WFIKKN1: variants seen among roughly 807,000 people sequenced by gnomAD.
WFIKKN1 encodes the protein WAP, follistatin/kazal, immunoglobulin, kunitz and netrin domain containing 1.
WFIKKN1 carries 6 observed loss-of-function variants against 4.6 expected under a neutral mutation model. The observed-to-expected ratio is 1.31, with a 90% confidence interval of 0.72 to 2.59. The LOEUF (loss-of-function observed/expected upper bound fraction) is 2.59, where lower values mean the gene tolerates loss of function less well. Among genes scored for constraint, WFIKKN1 ranks in the 30% most tolerant of loss-of-function variants. WFIKKN1 has a pLI of 0.00. For missense variants in WFIKKN1, 964 were observed against 818.0 expected, an observed-to-expected ratio of 1.18 and a Z score of -2.18; for synonymous variants, 468 against 367.4, an observed-to-expected ratio of 1.27 and a Z score of -3.13.
intron 1 of WFIKKN1, chr16:632,177 T>C (rs2036959182): frequency 5.8e-6 from 1 of 173,828 alleles, no homozygotes; most frequent in Non-Finnish European, 1.2e-5. Context: ...ACCCTCTCCT[T>C]CCATCCACTG....
chr16:632,836 CGCCGAGGCCTGCCT>C lies in WFIKKN1; in HGVS notation c.429_442del (p.Glu144GlyfsTer86). Reference sequence around the variant, plus strand: ...CCTACTACAACCGCTGCTATATGGACGCCGAGGCCTGCCTGCGGGGCCTGCACCTCCACATCGTG... The same window carrying C: ...CCTACTACAACCGCTGCTATATGGACGCGGGGCCTGCACCTCCACATCGTG... On this transcript the variant is annotated frameshift_variant, in exon 2 of 2. Coordinates refer to ENST00000319070, the MANE Select transcript of WFIKKN1 (RefSeq NM_053284.3). LOFTEE classifies it low-confidence loss of function (END_TRUNC). The C allele has an allele frequency of 6.4e-7, 1 of 1,570,674 alleles. No homozygotes were observed. Among genetic ancestry groups the C allele is most frequent in the Non-Finnish European group, 8.6e-7 (1 of 1,156,070 alleles).
Position 633,165 on chromosome 16 carries a change from A to G in WFIKKN1, c.755A>G (p.Asn252Ser). 6.3e-7 allele frequency: 1 copy of G among 1,599,658 alleles called. No homozygotes were observed. Among genetic ancestry groups the G allele is most frequent in the African/African-American group, 1.3e-5 (1 of 74,372 alleles). The part of the protein sequence containing the change: ...VTSIGQLVLY[N>S]ARPEDAGLYT... ...AGCATCGGGCAGCTGGTGCTCTACA[A>G]CGCGCGGCCCGAAGACGCCGGCCTG... Residue 252 changes from asparagine (N) to serine (S), a missense_variant, in exon 2 of 2, where the codon AAC becomes AGC. By Grantham distance (46) the Asn-to-Ser change is conservative. Coordinates refer to ENST00000319070, the MANE Select transcript of WFIKKN1 (RefSeq NM_053284.3).
At chr16:631,505 T>C (rs2036948261) in intron 1 of WFIKKN1, 81 bp downstream of exon 1, 1 of 1,528,236 alleles carries the variant, frequency 6.5e-7, no homozygotes, top group South Asian at 1.2e-5. Context: ...ACCTTCTGCC[T>C]GGGCTCCCCA....
At chr16:632,462 A>G in intron 1 of WFIKKN1, 120 bp from the exon 2 acceptor site, 3 of 1,245,716 alleles carry the variant, frequency 2.4e-6, no homozygotes, top group Middle Eastern at 2.8e-4. Flanking sequence ...GTCCCCGGGG[A>G]GGCAGCCACA....
In WFIKKN1 at chr16:632,905, C is replaced by G. The variant is rs1164526787; in HGVS notation, c.495C>G (p.Pro165=). 1 of 1,566,592 alleles carries G rather than the reference C, an allele frequency of 6.4e-7. No homozygotes were observed. The highest frequency in any genetic ancestry group is 1.2e-5 in the South Asian group (1 of 83,840). ...VPCKHVLSWP[P]SSPGPPETTA... ...GCAAGCACGTGCTCAGCTGGCCGCC[C>G]AGCAGCCCGGGGCCGCCGGAGACCA... The change falls in exon 2 of 2, where the codon CCC becomes CCG. Residue 165 remains proline, a synonymous_variant. Transcript: ENST00000319070.
rs780540369 is a variant in WFIKKN1, at chr16:633,999, A to T, written c.1589A>T (p.Lys530Met). The change falls in exon 2 of 2, where the codon AAG becomes ATG. Residue 530 changes from lysine (K) to methionine (M), a missense_variant. Physicochemically the swap from Lys to Met is moderately conservative, Grantham distance 95 (BLOSUM62 -1). Transcript: ENST00000319070. ...GCCGCCAGCGAGAAGCGCGTCAAGA[A>T]GATCTTGGAGCTGCTGGAGAAGCAG... The part of the protein sequence containing the change: ...VRAASEKRVK[K>M]ILELLEKQAC... The T allele has an allele frequency of 1.0e-5, 16 of 1,603,560 alleles. 1 individual carries two copies. The highest frequency in any genetic ancestry group is 3.4e-5 in the Admixed American group (2 of 59,362).
At chr16:632,236 T>G in intron 1 of WFIKKN1, 1 of 232,026 alleles carries the variant, frequency 4.3e-6, no homozygotes, top group Non-Finnish European at 8.4e-6. Context: ...GTGCAGATGG[T>G]GGTGGGGGTG....
At position 633,519 on chromosome 16, in the gene WFIKKN1, G is replaced by A; in HGVS notation, c.1109G>A (p.Gly370Asp). The change falls in exon 2 of 2, where the codon GGC (glycine) becomes GAC (aspartate). Residue 370 changes from glycine to aspartate, a missense_variant. By Grantham distance (94) the Gly-to-Asp change is moderately conservative. Coordinates refer to ENST00000319070, the MANE Select transcript of WFIKKN1 (RefSeq NM_053284.3). ...CCTGCCGTGCAGGGCCCCTGCCGGG[G>A]CTGGGAGCCGCGCTGGGCCTACAGC... ...VLPAVQGPCR[G>D]WEPRWAYSPL... The A allele has an allele frequency of 6.6e-7, 1 of 1,506,502 alleles. No individual in the cohort carries two copies. The highest frequency in any genetic ancestry group is 2.3e-5 in the Admixed American group (1 of 44,064). 93.3% of individuals were successfully genotyped at this position (1,506,502 alleles called of 1,614,324 possible).
In WFIKKN1 at chr16:633,686, C is replaced by G. The variant is rs1405880421; in HGVS notation, c.1276C>G (p.Leu426Val). The part of the protein sequence containing the change: ...PCRACRLRSK[L>V]ALSLCRSDFA... ...CCGCGCCTGCCGCCTCCGGAGCAAG[C>G]TGGCGCTGAGCCTGTGCCGCAGCGA... is the stretch of plus-strand genomic sequence containing the variant. Residue 426 changes from leucine (L) to valine (V), a missense_variant, in exon 2 of 2, where the codon CTG (leucine) becomes GTG (valine). Coordinates refer to ENST00000319070, the MANE Select transcript of WFIKKN1 (RefSeq NM_053284.3). The G allele has an allele frequency of 1.9e-6, 3 of 1,582,786 alleles. No individual in the cohort carries two copies. Among genetic ancestry groups the G allele is most frequent in the Non-Finnish European group, 2.6e-6 (3 of 1,165,266 alleles).
At position 633,877 on chromosome 16, in the gene WFIKKN1, C is replaced by T. The variant is rs1197099924; in HGVS notation, c.1467C>T (p.Cys489=). ...CGCTGAGTGGCATGGACTGGGCCTGCCCCTGCCCCAACATGACGGCGGGCG... is the reference window on the plus strand; with the variant it reads ...CGCTGAGTGGCATGGACTGGGCCTGTCCCTGCCCCAACATGACGGCGGGCG... ...EVTLSGMDWA[C]PCPNMTAGDG... Residue 489 remains cysteine (C), a synonymous_variant, in exon 2 of 2, where the codon TGC becomes TGT. Coordinates refer to ENST00000319070, the MANE Select transcript of WFIKKN1 (RefSeq NM_053284.3). 1 of 1,594,838 alleles carries T rather than the reference C, an allele frequency of 6.3e-7. No individual in the cohort carries two copies. The highest frequency in any genetic ancestry group is 1.7e-4 in the Middle Eastern group (1 of 6,044).
At position 633,620 on chromosome 16, in the gene WFIKKN1, A is replaced by C. The variant is rs2036984470; in HGVS notation, c.1210A>C (p.Ser404Arg). The change falls in exon 2 of 2, where the codon AGC becomes CGC. Residue 404 changes from serine to arginine, a missense_variant. Transcript: ENST00000319070. ...CGGCAACAACTTCCACAGCCGCGAGAGCTGCGAGGATGCCTGCCCCGTGCC... is the reference window on the plus strand; with the variant it reads ...CGGCAACAACTTCCACAGCCGCGAGCGCTGCGAGGATGCCTGCCCCGTGCC... ...GNGNNFHSRESCEDACPVPRT... is the reference protein window; with the variant it reads ...GNGNNFHSRERCEDACPVPRT... 6.4e-7 allele frequency: 1 copy of C among 1,572,708 alleles called. No individual in the cohort carries two copies. Among genetic ancestry groups the C allele is most frequent in the South Asian group, 1.2e-5 (1 of 86,740 alleles).
chr16:631,988 T>TCCATCCTCTCCTC, intron 1 of WFIKKN1: 1 of 126,418 alleles, frequency 7.9e-6, no homozygotes, highest in Non-Finnish European at 1.7e-5. Context: ...TGCCTCTCCT[T>TCCATCCTCTCCTC]CCATCCTCTC....
intron 1 of WFIKKN1, 86 bp from the exon 2 acceptor site, chr16:632,496 C>A: frequency 7.2e-7 from 1 of 1,386,710 alleles, no homozygotes; most frequent in East Asian, 2.9e-5. Flanking sequence ...CCTGCTACCC[C>A]ACCTGGGCCT....
chr16:631,601 C>T (rs2036949290), intron 1 of WFIKKN1, 177 bp downstream of exon 1: 1 of 698,134 alleles, frequency 1.4e-6, no homozygotes, highest in Non-Finnish European at 2.1e-6. Flanking sequence ...GAATAAGAGC[C>T]CTCCCCACTC....
In WFIKKN1 at chr16:633,719, A is replaced by G; in HGVS notation, c.1309A>G (p.Ile437Val). 6.3e-7 allele frequency: 1 copy of G among 1,587,920 alleles called. No individual in the cohort carries two copies. Among genetic ancestry groups the G allele is most frequent in the Non-Finnish European group, 8.6e-7 (1 of 1,167,500 alleles). Residue 437 changes from isoleucine (I) to valine (V), a missense_variant, in exon 2 of 2, where the codon ATC (isoleucine) becomes GTC (valine). Physicochemically the swap from Ile to Val is conservative, Grantham distance 29. Coordinates refer to ENST00000319070, the MANE Select transcript of WFIKKN1 (RefSeq NM_053284.3). ...ALSLCRSDFA[I>V]VGRLTEVLEE... ...GAGCCTGTGCCGCAGCGACTTCGCC[A>G]TCGTGGGGCGGCTCACGGAGGTGCT... is the stretch of plus-strand genomic sequence containing the variant.
chr16:631,531 T>A, intron 1 of WFIKKN1, 107 bp downstream of exon 1: 1 of 1,428,772 alleles, frequency 7.0e-7, no homozygotes, highest in Non-Finnish European at 9.2e-7. Flanking sequence ...CTGGGGGGTC[T>A]GGGTCTGGGC....
At chr16:632,382 G>C in intron 1 of WFIKKN1, 200 bp from the exon 2 acceptor site, 1 of 545,582 alleles carries the variant, frequency 1.8e-6, no homozygotes, top group Non-Finnish European at 3.0e-6. Flanking sequence ...TGGGTGTGAG[G>C]ATTCTGGAAG....
At position 632,852 on chromosome 16, in the gene WFIKKN1, C is replaced by T. The variant is rs772129778; in HGVS notation, c.442C>T (p.Arg148Trp). The T allele has an allele frequency of 6.4e-6, 10 of 1,572,850 alleles. No homozygotes were observed. The highest frequency in any genetic ancestry group is 3.5e-5 in the South Asian group (3 of 85,632). The change falls in exon 2 of 2, where the codon CGG becomes TGG. Residue 148 changes from arginine (R) to tryptophan (W), a missense_variant. Coordinates refer to ENST00000319070, the MANE Select transcript of WFIKKN1 (RefSeq NM_053284.3). ...CTATATGGACGCCGAGGCCTGCCTG[C>T]GGGGCCTGCACCTCCACATCGTGCC... ...RCYMDAEACL[R>W]GLHLHIVPCK...
chr16:633,094 C>G lies in WFIKKN1; in HGVS notation c.684C>G (p.Asn228Lys). The G allele has an allele frequency of 1.2e-6, 2 of 1,612,180 alleles. No homozygotes were observed. The highest frequency in any genetic ancestry group is 2.2e-5 in the South Asian group (2 of 91,044). Residue 228 changes from asparagine (N) to lysine (K), a missense_variant, in exon 2 of 2, where the codon AAC becomes AAG. Physicochemically the swap from Asn to Lys is moderately conservative, Grantham distance 94 (BLOSUM62 0). Coordinates refer to ENST00000319070, the MANE Select transcript of WFIKKN1 (RefSeq NM_053284.3). ...TWEKQSHQRE[N>K]LIMRPDQMYG... is the part of the protein sequence containing the mutation. The stretch of plus-strand genomic sequence containing the variant: ...AGAAGCAGAGTCACCAGCGAGAGAA[C>G]CTGATCATGCGCCCTGATCAGATGT...
Sources: gnomAD v4.1 joint callset for allele counts on GRCh38, gnomAD v4.1.1 for gene constraint, MANE v1.5 for transcripts, NCBI Gene and HGNC (gene_info 2026-07-23, HGNC 2026-07-21) for gene names.